Variants in ZNF267 observed in about 807,000 individuals in gnomAD.
ZNF267 encodes zinc finger (C2H2).
In ZNF267, 61 loss-of-function variants were observed where a neutral mutation model predicts 71.6. The ratio of observed to expected loss-of-function variants is 0.85; its 90% CI spans 0.69 to 1.05. The LOEUF is 1.05. ZNF267 is among the 50% of genes least tolerant of loss of function. The pLI is 0.00. For synonymous variants in ZNF267, 288 were observed against 293.2 expected (o/e 0.98, Z 0.18); for missense variants, 852 against 870.0 (o/e 0.98, Z 0.26).
intron 3 of ZNF267, chr16:31,894,689 A>G: frequency 2.1e-6 from 1 of 479,700 alleles, no homozygotes; most frequent in East Asian, 5.5e-5. Context: ...ATCCTGAGAT[A>G]CCGCTCATGC....
chr16:31,874,503 C>G (rs2083838120), intron 1 of ZNF267, among the ~76,000 whole-genome samples: 1 of 152,186 alleles, frequency 6.6e-6, no homozygotes, highest in African/African-American at 2.4e-5. Context: ...GGAAGCAGAC[C>G]AAATTAACCG....
At chr16:31,874,714 C>T (rs1186908008) in intron 1 of ZNF267, among the ~76,000 whole-genome samples, 1 of 152,206 alleles carries the variant, frequency 6.6e-6, no homozygotes, top group Non-Finnish European at 1.5e-5. Flanking sequence ...CATTAATCAT[C>T]TTAACACTGC....
Position 31,916,351 on chromosome 16 carries a change from C to G in ZNF267, c.2102C>G (p.Ser701Ter). The G allele has an allele frequency of 6.2e-7, 1 of 1,614,036 alleles. No individual in the cohort carries two copies. The highest frequency in any genetic ancestry group is 8.5e-7 in the Non-Finnish European group (1 of 1,179,948). Residue 701 changes from serine (S) to a stop codon, truncating the protein, a stop_gained, in exon 4 of 4, where the codon TCA (serine) becomes TGA (stop). Transcript: ENST00000300870. LOFTEE classifies it high-confidence loss of function. ...TGTGGTAAAGCCTTCAGCTATAGGT[C>G]ATACCTCACTACACATCGGAGAAGT... is the stretch of plus-strand genomic sequence containing the variant. ...DECGKAFSYR[S>*]YLTTHRRSHS...
intron 3 of ZNF267, among the ~76,000 whole-genome samples, chr16:31,901,781 A>C (rs1477190248): frequency 2.0e-5 from 3 of 152,208 alleles, no homozygotes; most frequent in Admixed American, 2.0e-4. Flanking sequence ...TTTGCTGTGC[A>C]GAAGCTCTTT....
At chr16:31,881,567 G>A (rs1055478557) in intron 1 of ZNF267, among the ~76,000 whole-genome samples, 1 of 151,800 alleles carries the variant, frequency 6.6e-6, no homozygotes, top group African/African-American at 2.4e-5. Flanking sequence ...ATTCCACCTG[G>A]CAACATCTTT....
In ZNF267 at chr16:31,913,658, C is replaced by T. The variant is rs370907797; in HGVS notation, c.227-818C>T. 31 of 152,318 alleles carry T rather than the reference C, an allele frequency of 2.0e-4. No individual in the cohort carries two copies. The East Asian group carries it at 6.0e-3, about 29-fold the overall frequency. The allele number at this position is 152,318 out of a possible 1,614,324, so 9.4% of individuals were successfully genotyped here. A position where few individuals can be genotyped will look rare whatever the true frequency, so the allele number is the denominator to read the frequency against. On this transcript the variant is annotated intron_variant, in intron 3 of 3. Transcript: ENST00000300870. ...TGCAGCTAAGCTGGCATTCAAATTA[C>T]AAGACAACATCCTTACCACTCCTCC...
chr16:31,913,131 C>T (rs908207289), intron 3 of ZNF267: 3 of 152,138 alleles, frequency 2.0e-5, no homozygotes, highest in Non-Finnish European at 4.4e-5. Context: ...GGCTTTGTGT[C>T]CACCCTTGTT....
chr16:31,891,180 TAAC>T (rs1329211903), intron 3 of ZNF267, among the ~76,000 whole-genome samples: 2 of 152,182 alleles, frequency 1.3e-5, no homozygotes, highest in African/African-American at 2.4e-5. Flanking sequence ...TTTAAGATGA[TAAC>T]AATTTAACAT....
intron 3 of ZNF267, among the ~76,000 whole-genome samples, chr16:31,886,869 G>A (rs922721491): frequency 6.6e-6 from 1 of 152,034 alleles, no homozygotes; most frequent in Admixed American, 6.5e-5. Context: ...ATTTCCTTTG[G>A]TTATACAATT....
chr16:31,889,175 T>TC (rs2083943523), intron 3 of ZNF267, among the ~76,000 whole-genome samples: 1 of 151,540 alleles, frequency 6.6e-6, no homozygotes, highest in Non-Finnish European at 1.5e-5. Flanking sequence ...TCTTTTTTTT[T>TC]CCCTTGGATA....
At chr16:31,880,534 A>G (rs570071715) in intron 1 of ZNF267, among the ~76,000 whole-genome samples, 2 of 152,326 alleles carry the variant, frequency 1.3e-5, no homozygotes, top group South Asian at 2.1e-4. Context: ...CACAAGGACA[A>G]CTTGAGTCTT....
intron 3 of ZNF267, among the ~76,000 whole-genome samples, chr16:31,894,171 ATCT>A (rs1414377627): frequency 6.6e-6 from 1 of 152,222 alleles, no homozygotes; most frequent in East Asian, 1.9e-4. Context: ...CTTTATGGAC[ATCT>A]TCTTGCAATT....
At chr16:31,907,584 C>T (rs1007369235) in intron 3 of ZNF267, among the ~76,000 whole-genome samples, 11 of 152,020 alleles carry the variant, frequency 7.2e-5, no homozygotes, top group Non-Finnish European at 1.3e-4. Context: ...GTTGTGTTCT[C>T]CTTTAGTTGT....
chr16:31,901,297 A>G (rs1463756888), intron 3 of ZNF267, among the ~76,000 whole-genome samples: 4 of 152,222 alleles, frequency 2.6e-5, no homozygotes, highest in Non-Finnish European at 4.4e-5. Context: ...ATGATTTATA[A>G]TCCTTTGGGT....
At chr16:31,887,343 G>T (rs2083931048) in intron 3 of ZNF267, among the ~76,000 whole-genome samples, 1 of 151,620 alleles carries the variant, frequency 6.6e-6, no homozygotes, top group East Asian at 1.9e-4. Context: ...CAGTCCCTGG[G>T]TCGCTTTTTC....
At chr16:31,907,089 G>A (rs1241606929) in intron 3 of ZNF267, among the ~76,000 whole-genome samples, 5 of 151,908 alleles carry the variant, frequency 3.3e-5, no homozygotes, top group African/African-American at 1.2e-4. Flanking sequence ...TATAAGAGTG[G>A]CCTTGTATGT....
intron 3 of ZNF267, among the ~76,000 whole-genome samples, chr16:31,905,306 A>G (rs964788563): frequency 6.6e-6 from 1 of 151,982 alleles, no homozygotes; most frequent in Admixed American, 6.6e-5. Context: ...GGCATTCTCT[A>G]TATTTCCTGA....
rs775124056 is a variant in ZNF267, at chr16:31,915,961, C to T, written c.1712C>T (p.Thr571Ile). The part of the protein sequence containing the change: ...SHLIRHHRIH[T>I]GEKPYKCKAC... Reference sequence around the variant, plus strand: ...CTTATTCGACATCATCGAATTCATACTGGAGAAAAACCATACAAATGTAAA... The same window carrying T: ...CTTATTCGACATCATCGAATTCATATTGGAGAAAAACCATACAAATGTAAA... The change falls in exon 4 of 4, where the codon ACT becomes ATT. Residue 571 changes from threonine to isoleucine, a missense_variant. Coordinates refer to ENST00000300870, the MANE Select transcript of ZNF267 (RefSeq NM_003414.6). 9 of 1,612,646 alleles carry T rather than the reference C, an allele frequency of 5.6e-6. No individual in the cohort carries two copies. Among genetic ancestry groups the T allele is most frequent in the African/African-American group, 2.7e-5 (2 of 74,888 alleles).
chr16:31,905,150 G>T lies in ZNF267; in HGVS notation c.227-9326G>T, dbSNP rs558803851. On this transcript the variant is annotated intron_variant, in intron 3 of 3. Transcript: ENST00000300870. Reference sequence around the variant, plus strand: ...CTGGCTTGTAGAGTTTCTGCCAAGAGATCAGCTGTTAGTCTGATGGGCTTC... The same window carrying T: ...CTGGCTTGTAGAGTTTCTGCCAAGATATCAGCTGTTAGTCTGATGGGCTTC... Among the ~76,000 whole-genome samples the T allele has an allele frequency of 8.3e-4, 127 of 152,356 alleles. 1 individual carries two copies. In the East Asian group the frequency reaches 0.012, roughly 14 times the overall value.
Sources: gnomAD v4.1 joint callset for allele counts (sites outside exome capture counted in the v4.1 genomes callset) on GRCh38, gnomAD v4.1.1 for gene constraint, MANE v1.5 for transcripts, NCBI Gene and HGNC (gene_info 2026-07-23, HGNC 2026-07-21) for gene names.